SDSL: variants seen among roughly 807,000 people sequenced by gnomAD.
SDSL encodes serine dehydratase like, also known as serine dehydratase-like.
A neutral mutation model predicts 27.6 loss-of-function variants in SDSL; 26 were observed. The observed-to-expected ratio is 0.94, with a 90% CI of 0.69 to 1.31. The LOEUF is 1.31. Ranked by LOEUF, SDSL falls within the 50% of genes most tolerant of loss-of-function variation. The pLI is 0.00. For synonymous variants in SDSL, 196 were observed against 180.6 expected (o/e 1.09, Z -0.69); for missense variants, 431 against 423.5 (o/e 1.02, Z -0.16).
chr12:113,432,284 CTTTCT>C (rs1284109869), intron 4 of SDSL, among the ~76,000 whole-genome samples: 1 of 126,344 alleles, frequency 7.9e-6, no homozygotes, highest in Non-Finnish European at 1.7e-5. Context: ...TTCTTTCTTT[CTTTCT>C]TTCTCTCTCT....
In SDSL at chr12:113,424,742, T is replaced by TC. The variant is rs1464738222; in HGVS notation, c.-22+2265_-22+2266insC. Among the ~76,000 whole-genome samples the TC allele has an allele frequency of 1.1e-4, 16 of 140,896 alleles. 1 individual carries two copies. Among genetic ancestry groups the TC allele is most frequent in the South Asian group, 4.5e-4 (2 of 4,410 alleles). 92.4% of individuals were successfully genotyped at this position (140,896 alleles called of 152,430 possible). On this transcript the variant is annotated intron_variant, in intron 1 of 7. Coordinates refer to ENST00000403593, the MANE Select transcript of SDSL (RefSeq NM_001304993.2). ...ACAGATGTTATTCTCTCTCTCTCTC[T>TC]TTTTTTTTTTTTAAAGACAGTCTCA... is the stretch of plus-strand genomic sequence containing the variant.
At chr12:113,431,420 C>T (rs1381415497) in intron 4 of SDSL, among the ~76,000 whole-genome samples, 1 of 152,144 alleles carries the variant, frequency 6.6e-6, no homozygotes, top group Non-Finnish European at 1.5e-5. Context: ...AGATGTCAAG[C>T]ACTACACGGT....
intron 6 of SDSL, among the ~76,000 whole-genome samples, 169 bp from the exon 7 acceptor site, chr12:113,436,582 C>T (rs1022088784): frequency 1.3e-5 from 2 of 152,198 alleles, no homozygotes; most frequent in Non-Finnish European, 2.9e-5. Flanking sequence ...AGCCACTGCG[C>T]CCGGCAAGGA....
intron 4 of SDSL, among the ~76,000 whole-genome samples, chr12:113,432,725 T>G (rs1957950693): frequency 6.6e-6 from 1 of 152,238 alleles, no homozygotes; most frequent in Non-Finnish European, 1.5e-5. Flanking sequence ...TTTGTGCCCA[T>G]GTTTATACCC....
intron 6 of SDSL, among the ~76,000 whole-genome samples, chr12:113,436,313 G>C (rs1049466889): frequency 1.3e-5 from 2 of 150,652 alleles, no homozygotes; most frequent in Non-Finnish European, 3.0e-5. Context: ...TTTTGAGATG[G>C]AATCTCACTC....
intron 1 of SDSL, 60 bp from the exon 2 acceptor site, chr12:113,427,902 C>A: frequency 6.8e-7 from 1 of 1,476,100 alleles, no homozygotes; most frequent in Non-Finnish European, 9.2e-7. Context: ...CCCTCCCTGT[C>A]CTGGTTAAGG....
At chr12:113,424,909 T>A (rs891422812) in intron 1 of SDSL, among the ~76,000 whole-genome samples, 2 of 152,094 alleles carry the variant, frequency 1.3e-5, no homozygotes, top group Non-Finnish European at 2.9e-5. Context: ...CTAATTTTTG[T>A]ATTTTTAGTA....
intron 1 of SDSL, chr12:113,425,850 G>C: frequency 2.5e-6 from 1 of 395,810 alleles, no homozygotes; most frequent in Non-Finnish European, 5.0e-6. Flanking sequence ...TTAATCAGGC[G>C]TGGTGACGTG....
intron 3 of SDSL, among the ~76,000 whole-genome samples, 175 bp downstream of exon 3, chr12:113,428,634 T>C (rs573492894): frequency 1.1e-3 from 174 of 152,210 alleles, no homozygotes; most frequent in African/African-American, 4.0e-3. Context: ...TCAGGACTCA[T>C]GATGGTAGCA....
chr12:113,434,061 T>C (rs569632749), intron 4 of SDSL, 73 bp from the exon 5 acceptor site: 1 of 1,265,824 alleles, frequency 7.9e-7, no homozygotes, highest in South Asian at 1.4e-5. Flanking sequence ...ACCAAGGAGA[T>C]CCTGGGCCTC....
rs771401005 is a variant in SDSL at position 113,428,027 on chromosome 12, C to T, written c.45C>T (p.His15=). ...VAEHAKQEPF[H]VVTPLLESWA... ...AGCATGCCAAGCAGGAGCCCTTTCACGTGGTCACACCTCTGTTGGAGAGCT... is the reference window on the plus strand; with the variant it reads ...AGCATGCCAAGCAGGAGCCCTTTCATGTGGTCACACCTCTGTTGGAGAGCT... Residue 15 remains histidine (H), a synonymous_variant, in exon 2 of 8, where the codon CAC becomes CAT. Coordinates refer to ENST00000403593, the MANE Select transcript of SDSL (RefSeq NM_001304993.2). 18 of 1,613,738 alleles carry T rather than the reference C, an allele frequency of 1.1e-5. No individual in the cohort carries two copies. The Admixed American group carries it at 1.2e-4, about 10-fold the overall frequency.
chr12:113,424,164 A>G (rs1186408573), intron 1 of SDSL, among the ~76,000 whole-genome samples: 1 of 152,116 alleles, frequency 6.6e-6, no homozygotes, highest in Non-Finnish European at 1.5e-5. Context: ...CTGGGATTAC[A>G]GGCATGCGCC....
rs1349743361 is a variant in SDSL at position 113,432,268 on chromosome 12, CTT to C, written c.355-1864_355-1863del. ...TCTTTCTTTCTTTCTTTCTTTCTTT[CTT>C]TCTTTCTTTCTTTCTTTCTTTCTCT... On this transcript the variant is annotated intron_variant, in intron 4 of 7. Transcript: ENST00000403593. 2.3e-3 allele frequency among the ~76,000 whole-genome samples: 320 copies of C among 140,476 alleles called. 5 individuals carry two copies. The highest frequency in any genetic ancestry group is 7.7e-3 in the African/African-American group (284 of 36,898). The allele number at this position is 140,476 out of a possible 152,430, so 92.2% of individuals were successfully genotyped here.
chr12:113,427,999 C>T lies in SDSL; in HGVS notation c.17C>T (p.Ala6Val). 2 of 1,612,424 alleles carry T rather than the reference C, an allele frequency of 1.2e-6. No homozygotes were observed. Among genetic ancestry groups the T allele is most frequent in the Non-Finnish European group, 1.7e-6 (2 of 1,179,374 alleles). Residue 6 changes from alanine to valine, a missense_variant, in exon 2 of 8, where the codon GCA (alanine) becomes GTA (valine). Transcript: ENST00000403593. Reference sequence around the variant, plus strand: ...GTCTCCAGAATGGACGGCCCTGTGGCAGAGCATGCCAAGCAGGAGCCCTTT... The same window carrying T: ...GTCTCCAGAATGGACGGCCCTGTGGTAGAGCATGCCAAGCAGGAGCCCTTT... MDGPV[A>V]EHAKQEPFHV...
At chr12:113,426,250 T>G (rs1436326861) in intron 1 of SDSL, 1 of 455,944 alleles carries the variant, frequency 2.2e-6, no homozygotes, top group Non-Finnish European at 4.4e-6. Flanking sequence ...ACTTTTCCTC[T>G]TGGCTCTCTT....
chr12:113,430,116 T>TTCCATCCA (rs750497934), intron 4 of SDSL, among the ~76,000 whole-genome samples: 6 of 148,272 alleles, frequency 4.0e-5, no homozygotes, highest in African/African-American at 1.3e-4. Context: ...TCTCCCTTCT[T>TTCCATCCA]TCCATCCATC....
chr12:113,425,750 C>G (rs1327470680), intron 1 of SDSL: 1 of 455,562 alleles, frequency 2.2e-6, no homozygotes, highest in Non-Finnish European at 4.4e-6. Flanking sequence ...CCCAGCACTT[C>G]GGGAGGCCGA....
chr12:113,425,161 C>A (rs187638901), intron 1 of SDSL, among the ~76,000 whole-genome samples: 4 of 152,162 alleles, frequency 2.6e-5, no homozygotes, highest in African/African-American at 9.7e-5. Context: ...GCCAGGAAGT[C>A]GGAGCTGGTT....
rs186901758 is a variant in SDSL at position 113,426,763 on chromosome 12, C to A, written c.-21-1199C>A. On this transcript the variant is annotated intron_variant, in intron 1 of 7. Coordinates refer to ENST00000403593, the MANE Select transcript of SDSL (RefSeq NM_001304993.2). ...GACCAGCCTGGGCAACATAGTGAGA[C>A]CCTATCTCTACAAAAAAGTACAAAA... Among the ~76,000 whole-genome samples, 586 of 152,180 alleles carry A rather than the reference C, an allele frequency of 3.9e-3. 4 individuals carry two copies. Among genetic ancestry groups the A allele is most frequent in the South Asian group, 5.2e-3 (25 of 4,814 alleles).
Sources: gnomAD v4.1 joint callset for allele counts (sites outside exome capture counted in the v4.1 genomes callset) on GRCh38, gnomAD v4.1.1 for gene constraint, MANE v1.5 for transcripts, NCBI Gene and HGNC (gene_info 2026-07-23, HGNC 2026-07-21) for gene names.